The following NKAIN2 variants were observed in gnomAD, a reference collection of about 807,000 sequenced individuals.
NKAIN2 encodes sodium/potassium transporting ATPase interacting 2.
NKAIN2 carries 14 observed loss-of-function variants against 32.6 expected under a neutral mutation model. The ratio of observed to expected loss-of-function variants is 0.43; its 90% CI spans 0.28 to 0.67. The LOEUF (loss-of-function observed/expected upper bound fraction) is 0.67, where lower values mean the gene tolerates loss of function less well. NKAIN2 is among the 30% of genes least tolerant of loss of function. The probability of loss-of-function intolerance (pLI) is 0.17; values close to 1 mark genes in which losing one functional copy is unlikely to be tolerated. For missense variants in NKAIN2, 198 were observed against 258.3 expected, an observed-to-expected ratio of 0.77 and a Z score of 1.60; for synonymous variants, 80 against 87.2, an observed-to-expected ratio of 0.92 and a Z score of 0.46.
chr6:123,976,310 T>C lies in NKAIN2; in HGVS notation c.54+172056T>C, dbSNP rs866756645. Among the ~76,000 whole-genome samples, 313 of 67,662 alleles carry C rather than the reference T, an allele frequency of 4.6e-3. 20 individuals are homozygous for C. The highest frequency in any genetic ancestry group is 0.022 in the South Asian group (44 of 2,030). 44.4% of individuals were successfully genotyped at this position (67,662 alleles called of 152,430 possible). ...ATATATATGTTTCCATATATATGTT[T>C]CCATATATATATATGTTCCCATATA... On this transcript the variant is annotated intron_variant, in intron 1 of 6. Coordinates refer to ENST00000368417, the MANE Select transcript of NKAIN2 (RefSeq NM_001040214.3).
intron 3 of NKAIN2, among the ~76,000 whole-genome samples, chr6:124,357,441 A>G (rs936966778): frequency 6.6e-6 from 1 of 152,214 alleles, no homozygotes; most frequent in East Asian, 1.9e-4. Flanking sequence ...AAAAATGTAC[A>G]GAAAGATAGA....
At chr6:124,413,024 A>G (rs954518102) in intron 3 of NKAIN2, among the ~76,000 whole-genome samples, 3 of 152,104 alleles carry the variant, frequency 2.0e-5, no homozygotes, top group African/African-American at 7.2e-5. Context: ...CCGTTGGAAA[A>G]GTGCAGTATT....
chr6:124,342,535 T>C (rs1798176986), intron 2 of NKAIN2, among the ~76,000 whole-genome samples: 1 of 151,904 alleles, frequency 6.6e-6, no homozygotes, highest in South Asian at 2.1e-4. Context: ...CAATACAGGG[T>C]CTTGCTCTGT....
At chr6:123,818,267 AAT>A (rs1233648356) in intron 1 of NKAIN2, among the ~76,000 whole-genome samples, 1 of 152,102 alleles carries the variant, frequency 6.6e-6, no homozygotes, top group Admixed American at 6.6e-5. Context: ...AATTCAATAA[AAT>A]ATGTGGATAA....
At chr6:124,011,273 A>AT (rs146395388) in intron 1 of NKAIN2, among the ~76,000 whole-genome samples, 5,920 of 151,968 alleles carry the variant, frequency 0.039, 210 homozygotes, top group East Asian at 0.18. Flanking sequence ...TATCCTTGAT[A>AT]TTTTTTACAT....
intron 3 of NKAIN2, among the ~76,000 whole-genome samples, chr6:124,546,355 A>C (rs1049370688): frequency 1.3e-5 from 2 of 152,164 alleles, no homozygotes; most frequent in African/African-American, 4.8e-5. Context: ...AAAACTGCTG[A>C]GTACTTGTTG....
chr6:123,911,355 G>A (rs1381780607), intron 1 of NKAIN2, among the ~76,000 whole-genome samples: 1 of 152,080 alleles, frequency 6.6e-6, no homozygotes, highest in Non-Finnish European at 1.5e-5. Flanking sequence ...ATAGTGGAAG[G>A]TGAAAGGGAG....
chr6:124,664,765 G>C, intron 4 of NKAIN2, among the ~76,000 whole-genome samples: 1 of 105,796 alleles, frequency 9.5e-6, no homozygotes. Context: ...CTGCACTCCA[G>C]CCTGGGCGAC....
At chr6:124,148,919 C>T (rs1377476268) in intron 1 of NKAIN2, among the ~76,000 whole-genome samples, 2 of 152,084 alleles carry the variant, frequency 1.3e-5, no homozygotes, top group African/African-American at 4.8e-5. Flanking sequence ...GCATTTCCAC[C>T]AACAGCATTG....
intron 3 of NKAIN2, among the ~76,000 whole-genome samples, chr6:124,363,228 G>C (rs1799372962): frequency 6.6e-6 from 1 of 152,164 alleles, no homozygotes; most frequent in South Asian, 2.1e-4. Context: ...TTACTTGTTT[G>C]TGTGTGTATA....
At chr6:124,779,239 AACAAAGAAAGAG>A (rs1779126887) in intron 4 of NKAIN2, among the ~76,000 whole-genome samples, 3 of 78,008 alleles carry the variant, frequency 3.8e-5, no homozygotes, top group African/African-American at 1.7e-4. Flanking sequence ...GCCAGACTCC[AACAAAGAAAGAG>A]AGAGAGAGAG....
At chr6:123,939,556 A>C (rs1031415197) in intron 1 of NKAIN2, among the ~76,000 whole-genome samples, 12 of 151,980 alleles carry the variant, frequency 7.9e-5, no homozygotes, top group African/African-American at 2.9e-4. Context: ...ATGAAGAAAA[A>C]ATCATATGGC....
chr6:124,137,662 G>C (rs550783597), intron 1 of NKAIN2, among the ~76,000 whole-genome samples: 1 of 151,886 alleles, frequency 6.6e-6, no homozygotes, highest in African/African-American at 2.4e-5. Flanking sequence ...TAAAAAGATA[G>C]GTATATAGAC....
chr6:124,783,244 T>C (rs1163080432), intron 4 of NKAIN2, among the ~76,000 whole-genome samples: 1 of 152,192 alleles, frequency 6.6e-6, no homozygotes, highest in Non-Finnish European at 1.5e-5. Context: ...GGATAACTTT[T>C]TGATAAGTTT....
chr6:123,876,455 T>C (rs570046042), intron 1 of NKAIN2, among the ~76,000 whole-genome samples: 1 of 151,956 alleles, frequency 6.6e-6, no homozygotes, highest in African/African-American at 2.4e-5. Flanking sequence ...TATATATACA[T>C]ACACACACAC....
intron 1 of NKAIN2, among the ~76,000 whole-genome samples, chr6:123,839,459 C>T (rs191867380): frequency 1.3e-5 from 2 of 152,042 alleles, no homozygotes; most frequent in African/African-American, 2.4e-5. Context: ...TACTCCAATC[C>T]TATTCTTTCT....
chr6:124,798,283 A>G (rs1780102208), intron 5 of NKAIN2, among the ~76,000 whole-genome samples: 1 of 152,184 alleles, frequency 6.6e-6, no homozygotes, highest in African/African-American at 2.4e-5. Context: ...GAGAATTGTG[A>G]GAAGAATATG....
chr6:124,270,555 G>A (rs945500466), intron 1 of NKAIN2, among the ~76,000 whole-genome samples: 2 of 152,082 alleles, frequency 1.3e-5, no homozygotes, highest in African/African-American at 4.8e-5. Context: ...CTATGAGAAA[G>A]CAATACCATA....
At chr6:123,895,073 T>G (rs1774206451) in intron 1 of NKAIN2, among the ~76,000 whole-genome samples, 1 of 151,808 alleles carries the variant, frequency 6.6e-6, no homozygotes, top group Middle Eastern at 3.4e-3. Flanking sequence ...CTTTTTTTTT[T>G]GCCCTTTCCT....
Sources: allele counts gnomAD v4.1 joint callset (sites outside exome capture counted in the v4.1 genomes callset), GRCh38; gene constraint gnomAD v4.1.1; transcripts MANE v1.5; gene names NCBI Gene and HGNC (gene_info 2026-07-23, HGNC 2026-07-21).